The following FGD6 variants were observed in gnomAD, a reference collection of about 807,000 sequenced individuals.
FGD6 encodes FYVE, RhoGEF and PH domain-containing protein 6.
Under a neutral mutation model 149.4 loss-of-function variants are expected in FGD6, and 90 were observed. The observed-to-expected ratio is 0.60, with a 90% CI of 0.51 to 0.72. The LOEUF is 0.72. FGD6 is among the 30% of genes least tolerant of loss of function. The pLI is 0.00. For synonymous variants in FGD6, 527 were observed against 584.0 expected (o/e 0.90, Z 1.41); for missense variants, 1,437 against 1,684.8 (o/e 0.85, Z 2.57).
rs1299939461 is a variant in FGD6, at chr12:95,172,606, A to G, written c.2580T>C (p.Asp860=). 6.2e-7 allele frequency: 1 copy of G among 1,606,028 alleles called. No homozygotes were observed. Among genetic ancestry groups the G allele is most frequent in the Non-Finnish European group, 8.5e-7 (1 of 1,175,124 alleles). Residue 860 remains aspartate (D), a synonymous_variant, in exon 3 of 21, where the codon GAT becomes GAC. Transcript: ENST00000343958. ...SSKGEPDPLE[D]KQDEDNGMKS... ...ATTAAGTACCAAAGTATACCTGTTTATCTTCCAGTGGGTCAGGCTCTCCTT... is the reference window on the plus strand; with the variant it reads ...ATTAAGTACCAAAGTATACCTGTTTGTCTTCCAGTGGGTCAGGCTCTCCTT...
intron 2 of FGD6, among the ~76,000 whole-genome samples, chr12:95,196,583 A>C (rs1881742850): frequency 6.6e-6 from 1 of 152,098 alleles, no homozygotes; most frequent in Admixed American, 6.5e-5. Flanking sequence ...TATTCACTTA[A>C]AACAAGACAA....
At chr12:95,167,920 C>T (rs1382815336) in intron 3 of FGD6, among the ~76,000 whole-genome samples, 1 of 152,038 alleles carries the variant, frequency 6.6e-6, no homozygotes, top group African/African-American at 2.4e-5. Flanking sequence ...GTCTATAATC[C>T]ATTTTGAGTT....
At chr12:95,139,825 C>T (rs931094479) in intron 6 of FGD6, among the ~76,000 whole-genome samples, 1 of 152,004 alleles carries the variant, frequency 6.6e-6, no homozygotes, top group Non-Finnish European at 1.5e-5. Context: ...TTACTAGAGA[C>T]GAGGTTTTGC....
Position 95,085,893 on chromosome 12 carries a change from C to T in FGD6, c.3994G>A (p.Glu1332Lys). ...AAGTAGCCACTCATAGAAGAATCCT[C>T]TGTGTTTGCTGATACCTAGATAAGA... ...AALKEVSANT[E>K]DSSMSGYLYR... The change falls in exon 19 of 21, where the codon GAG becomes AAG. Residue 1332 changes from glutamate to lysine, a missense_variant. Around this residue, in one of 2 missense-constraint regions of FGD6, gnomAD observed 382 missense variants for 538.7 expected, o/e 0.71. Transcript: ENST00000343958. The T allele has an allele frequency of 6.2e-7, 1 of 1,605,648 alleles. No homozygotes were observed. The highest frequency in any genetic ancestry group is 1.1e-5 in the South Asian group (1 of 88,242).
At chr12:95,119,263 C>T (rs894390619) in intron 8 of FGD6, among the ~76,000 whole-genome samples, 15 of 151,808 alleles carry the variant, frequency 9.9e-5, no homozygotes, top group African/African-American at 3.6e-4. Context: ...AAAACTGTAA[C>T]GATTCTCATT....
chr12:95,217,385 C>G lies in FGD6; in HGVS notation c.-145G>C. 2 of 1,288,426 alleles carry G rather than the reference C, an allele frequency of 1.6e-6. No homozygotes were observed. The highest frequency in any genetic ancestry group is 2.0e-6 in the Non-Finnish European group (2 of 977,680). 79.8% of individuals were successfully genotyped at this position (1,288,426 alleles called of 1,614,324 possible). ...GCCGCCCCGCGGCGCAGCCTGAGCG[C>G]CACACAAAGGACGCGGCCGACTCTA... is the stretch of plus-strand genomic sequence containing the variant. On this transcript the variant is annotated 5_prime_UTR_variant, in exon 1 of 21. Transcript: ENST00000343958.
intron 1 of FGD6, among the ~76,000 whole-genome samples, chr12:95,213,065 A>G (rs1197336875): frequency 6.6e-6 from 1 of 152,168 alleles, no homozygotes; most frequent in Non-Finnish European, 1.5e-5. Flanking sequence ...TAGGCAGAAA[A>G]TAACTGAAAA....
At position 95,209,626 on chromosome 12, in the gene FGD6, G is replaced by A; in HGVS notation, c.1658C>T (p.Ser553Phe). The part of the protein sequence containing the change: ...HLCAQNRGVS[S>F]SFDMPKRASE... ...AGCCCGTTTAGGCATATCAAAGGAG[G>A]ATGACACACCACGGTTTTGGGCACA... Residue 553 changes from serine (S) to phenylalanine (F), a missense_variant, in exon 2 of 21, where the codon TCC (serine) becomes TTC (phenylalanine). Ser to Phe is a radical substitution (Grantham distance 155). Around this residue, in one of 2 missense-constraint regions of FGD6, gnomAD observed 1,055 missense variants for 1,146.0 expected, o/e 0.92. Transcript: ENST00000343958. The A allele has an allele frequency of 6.2e-7, 1 of 1,613,704 alleles. No individual in the cohort carries two copies. Among genetic ancestry groups the A allele is most frequent in the Non-Finnish European group, 8.5e-7 (1 of 1,179,942 alleles).
At position 95,211,236 on chromosome 12, in the gene FGD6, G is replaced by T; in HGVS notation, c.48C>A (p.Pro16=). 6.3e-7 allele frequency: 1 copy of T among 1,593,632 alleles called. No individual in the cohort carries two copies. Reference sequence around the variant, plus strand: ...GCTTATTATTTGCCACAACAAACTTGGGCTTGGGGGCCACTGGTGGCTTCT... The same window carrying T: ...GCTTATTATTTGCCACAACAAACTTTGGCTTGGGGGCCACTGGTGGCTTCT... ...EIKKPPVAPK[P]KFVVANNKPA... The change falls in exon 2 of 21, where the codon CCC becomes CCA. Residue 16 remains proline, a synonymous_variant. Coordinates refer to ENST00000343958, the MANE Select transcript of FGD6 (RefSeq NM_018351.4).
rs1173446654 is a variant in FGD6 at position 95,082,984 on chromosome 12, T to TAA, written c.4257-1430_4257-1429dup. On this transcript the variant is annotated intron_variant, in intron 20 of 20. Transcript: ENST00000343958. ...CAACATTGCTAGACTCTGTCTCCAT[T>TAA]AAAAAAAAAAAAAAAAAAAAAAAAA... Among the ~76,000 whole-genome samples the TAA allele has an allele frequency of 8.4e-4, 26 of 31,130 alleles. 2 individuals are homozygous for TAA. Among genetic ancestry groups the TAA allele is most frequent in the Non-Finnish European group, 1.0e-3 (20 of 19,500 alleles). The allele number at this position is 31,130 out of a possible 152,430, so 20.4% of individuals were successfully genotyped here.
intron 14 of FGD6, among the ~76,000 whole-genome samples, chr12:95,098,520 A>T (rs1304914576): frequency 1.3e-5 from 2 of 151,998 alleles, no homozygotes; most frequent in Non-Finnish European, 2.9e-5. Flanking sequence ...CTCATTCTTG[A>T]GCTCGTGCCA....
intron 3 of FGD6, among the ~76,000 whole-genome samples, chr12:95,160,447 T>C (rs1880605730): frequency 6.6e-6 from 1 of 152,100 alleles, no homozygotes; most frequent in Non-Finnish European, 1.5e-5. Flanking sequence ...TAGCCCCTAC[T>C]CATACGGTGT....
chr12:95,085,590 T>C, intron 19 of FGD6, 190 bp downstream of exon 19: 1 of 570,218 alleles, frequency 1.8e-6, no homozygotes, highest in Non-Finnish European at 2.9e-6. Flanking sequence ...CCTAACACAT[T>C]TGAGAAAGAG....
chr12:95,108,808 A>C (rs1443608117), intron 9 of FGD6, among the ~76,000 whole-genome samples: 2 of 151,956 alleles, frequency 1.3e-5, no homozygotes, highest in Admixed American at 1.3e-4. Flanking sequence ...CCAAAAGAAG[A>C]CTCTAAAGAG....
At chr12:95,185,536 T>C (rs976315471) in intron 2 of FGD6, among the ~76,000 whole-genome samples, 27 of 152,130 alleles carry the variant, frequency 1.8e-4, no homozygotes, top group Non-Finnish European at 3.7e-4. Flanking sequence ...GGCTAGTTAA[T>C]TGGACTAAGT....
At chr12:95,099,485 T>C (rs1878351498) in intron 14 of FGD6, among the ~76,000 whole-genome samples, 2 of 152,206 alleles carry the variant, frequency 1.3e-5, no homozygotes, top group Non-Finnish European at 1.5e-5. Context: ...TGACATTCAA[T>C]ATGCCTTAGC....
In FGD6 at chr12:95,144,819, G is replaced by A. The variant is rs183017667; in HGVS notation, c.2686-3280C>T. Among the ~76,000 whole-genome samples, 138 of 151,302 alleles carry A rather than the reference G, an allele frequency of 9.1e-4. No homozygotes were observed. In the East Asian group the frequency reaches 0.025, roughly 28 times the overall value. On this transcript the variant is annotated intron_variant, in intron 5 of 20. Coordinates refer to ENST00000343958, the MANE Select transcript of FGD6 (RefSeq NM_018351.4). ...TTCTCCTGCCTCAGCCTCCCAAGTAGCTGGGATTACAGGCGCTTGCCACCA... is the reference window on the plus strand; with the variant it reads ...TTCTCCTGCCTCAGCCTCCCAAGTAACTGGGATTACAGGCGCTTGCCACCA...
intron 8 of FGD6, chr12:95,126,116 G>A: frequency 9.5e-7 from 1 of 1,050,822 alleles, no homozygotes; most frequent in Non-Finnish European, 1.5e-6. Flanking sequence ...AGAAAATGAG[G>A]GACAGAATAA....
rs1297146854 is a variant in FGD6, at chr12:95,131,086, C to CA, written c.3082+3652dup. ...TGTTGTCTCAATGTCATTCTTTGGA[C>CA]AAAAAACATTTTGGCTAAAGAGTTT... On this transcript the variant is annotated intron_variant, in intron 8 of 20. Coordinates refer to ENST00000343958, the MANE Select transcript of FGD6 (RefSeq NM_018351.4). 3.2e-3 allele frequency among the ~76,000 whole-genome samples: 432 copies of CA among 135,020 alleles called. 3 individuals carry two copies. The highest frequency in any genetic ancestry group is 0.011 in the African/African-American group (413 of 37,196). The allele number at this position is 135,020 out of a possible 152,430, so 88.6% of individuals were successfully genotyped here.
Sources: allele counts gnomAD v4.1 joint callset (sites outside exome capture counted in the v4.1 genomes callset), GRCh38; gene constraint gnomAD v4.1.1; regional missense constraint gnomAD v4.1.1; transcripts MANE v1.5; gene names NCBI Gene and HGNC (gene_info 2026-07-23, HGNC 2026-07-21).